The following KIAA1549L variants were observed in gnomAD, a reference collection of about 807,000 sequenced individuals.
KIAA1549L encodes KIAA1549 like, also known as UPF0606 protein KIAA1549L.
KIAA1549L carries 88 observed loss-of-function variants against 160.7 expected under a neutral mutation model. The observed-to-expected ratio is 0.55, with a 90% CI of 0.46 to 0.65. KIAA1549L has a LOEUF of 0.65. KIAA1549L is among the 30% of genes least tolerant of loss of function. KIAA1549L has a pLI of 0.00. For synonymous variants in KIAA1549L, 950 were observed against 976.7 expected, an observed-to-expected ratio of 0.97 and a Z score of 0.51; for missense variants, 2,258 against 2,437.5, an observed-to-expected ratio of 0.93 and a Z score of 1.55.
intron 1 of KIAA1549L, among the ~76,000 whole-genome samples, chr11:33,442,757 C>T (rs557404963): frequency 6.6e-6 from 1 of 152,238 alleles, no homozygotes; most frequent in East Asian, 1.9e-4. Context: ...TGCCTCTATC[C>T]AATTTCCATA....
At chr11:33,550,448 G>A (rs1399083249) in intron 4 of KIAA1549L, among the ~76,000 whole-genome samples, 1 of 152,026 alleles carries the variant, frequency 6.6e-6, no homozygotes, top group East Asian at 1.9e-4. Context: ...GAGACAGAAA[G>A]AGCTCAGACC....
chr11:33,630,306 A>G (rs563598019), intron 16 of KIAA1549L, among the ~76,000 whole-genome samples: 1 of 152,364 alleles, frequency 6.6e-6, no homozygotes, highest in South Asian at 2.1e-4. Context: ...GGTGGGCTCC[A>G]CCCAGTTCGA....
At chr11:33,561,793 T>A in intron 8 of KIAA1549L, 58 bp downstream of exon 8, 3 of 1,243,260 alleles carry the variant, frequency 2.4e-6, no homozygotes, top group South Asian at 1.2e-5. Context: ...TTATTTTTTT[T>A]AAACTGTAGG....
At chr11:33,646,317 A>G (rs1851722468) in intron 17 of KIAA1549L, among the ~76,000 whole-genome samples, 1 of 152,200 alleles carries the variant, frequency 6.6e-6, no homozygotes. Flanking sequence ...GGCTGACCAT[A>G]TTCTTCACGC....
chr11:33,393,391 GCCCGTCTCCTTCA>G (rs2134051537), intron 1 of KIAA1549L, among the ~76,000 whole-genome samples: 1 of 152,238 alleles, frequency 6.6e-6, no homozygotes, highest in African/African-American at 2.4e-5. Context: ...AGGTCTCCTG[GCCCGTCTCCTTCA>G]TCAGACTGTG....
rs554797853 is a variant in KIAA1549L, at chr11:33,476,891, A to G, written c.239-64911A>G. On this transcript the variant is annotated intron_variant, in intron 1 of 20. Coordinates refer to ENST00000658780, the MANE Select transcript of KIAA1549L (RefSeq NM_012194.3). ...TCGTTTATTTACTAATGTCTATTGT[A>G]TGTCTCTTTCATTAGAATGTAGGCT... Among the ~76,000 whole-genome samples the G allele has an allele frequency of 4.6e-5, 7 of 152,326 alleles. No individual in the cohort carries two copies. The South Asian group carries it at 1.2e-3, about 27-fold the overall frequency.
At chr11:33,450,174 G>A (rs147905148) in intron 1 of KIAA1549L, among the ~76,000 whole-genome samples, 1,617 of 152,224 alleles carry the variant, frequency 0.011, 7 homozygotes, top group South Asian at 0.04. Flanking sequence ...ATGATCAAGG[G>A]CAAATATAAG....
intron 1 of KIAA1549L, among the ~76,000 whole-genome samples, chr11:33,386,764 T>G (rs142971864): frequency 9.9e-4 from 151 of 151,918 alleles, no homozygotes; most frequent in African/African-American, 3.4e-3. Context: ...TCTGTAGTTT[T>G]GTTTTGCTAA....
At chr11:33,528,008 A>G (rs1386660221) in intron 1 of KIAA1549L, among the ~76,000 whole-genome samples, 1 of 152,148 alleles carries the variant, frequency 6.6e-6, no homozygotes, top group Non-Finnish European at 1.5e-5. Context: ...ATGGTTTTAT[A>G]AAGGGGAGTT....
At chr11:33,489,514 G>A (rs1056545877) in intron 1 of KIAA1549L, among the ~76,000 whole-genome samples, 4 of 152,164 alleles carry the variant, frequency 2.6e-5, no homozygotes, top group African/African-American at 7.2e-5. Flanking sequence ...AACACAGTGG[G>A]AGTTTATTTC....
Position 33,574,874 on chromosome 11 carries a change from G to A in KIAA1549L, c.4402+1G>A. ...CACGTTGTCCTTCTGCAAGCTGACC[G>A]TAAGGGAATGGTCTTTTTATTCAGT... On this transcript the variant is annotated splice_donor_variant, in intron 10 of 20. Transcript: ENST00000658780. LOFTEE classifies it high-confidence loss of function. The A allele has an allele frequency of 1.9e-6, 3 of 1,610,980 alleles. No individual in the cohort carries two copies. The highest frequency in any genetic ancestry group is 2.5e-6 in the Non-Finnish European group (3 of 1,178,064).
intron 1 of KIAA1549L, among the ~76,000 whole-genome samples, chr11:33,381,649 T>G (rs1213785412): frequency 2.0e-5 from 3 of 152,206 alleles, no homozygotes; most frequent in African/African-American, 4.8e-5. Context: ...ATAATCTGAC[T>G]TAAGTTTTAA....
chr11:33,578,662 A>G (rs975016434), intron 10 of KIAA1549L, among the ~76,000 whole-genome samples: 2 of 152,214 alleles, frequency 1.3e-5, no homozygotes, highest in African/African-American at 2.4e-5. Context: ...GCAAGCCTTC[A>G]GGACTGCACA....
intron 1 of KIAA1549L, among the ~76,000 whole-genome samples, chr11:33,471,924 T>G (rs1304173986): frequency 1.3e-5 from 2 of 152,212 alleles, no homozygotes; most frequent in African/African-American, 2.4e-5. Context: ...AGACAATGGC[T>G]TAAGCATAGA....
intron 1 of KIAA1549L, among the ~76,000 whole-genome samples, chr11:33,381,904 A>G (rs541802851): frequency 2.4e-4 from 37 of 152,352 alleles, no homozygotes; most frequent in African/African-American, 8.4e-4. Context: ...GGCTCAAGCA[A>G]CTGGGAAGAT....
At chr11:33,661,495 G>C (rs1852258715) in intron 20 of KIAA1549L, among the ~76,000 whole-genome samples, 2 of 152,198 alleles carry the variant, frequency 1.3e-5, no homozygotes, top group South Asian at 2.1e-4. Context: ...ACCCACACCT[G>C]TTTGGCTCCA....
intron 1 of KIAA1549L, among the ~76,000 whole-genome samples, chr11:33,496,789 A>G (rs2756278): frequency 0.71 from 108,200 of 152,078 alleles, 39,001 homozygotes; most frequent in African/African-American, 0.83. Context: ...TTCCATCTCA[A>G]TAAAATAAAA....
At chr11:33,528,248 A>G (rs986085239) in intron 1 of KIAA1549L, among the ~76,000 whole-genome samples, 9 of 152,234 alleles carry the variant, frequency 5.9e-5, no homozygotes, top group Non-Finnish European at 1.0e-4. Context: ...ACTAATTATC[A>G]GAGAATGCAC....
chr11:33,404,567 A>C (rs1159502021), intron 1 of KIAA1549L, among the ~76,000 whole-genome samples: 1 of 152,028 alleles, frequency 6.6e-6, no homozygotes, highest in Non-Finnish European at 1.5e-5. Flanking sequence ...TTTCATTTAA[A>C]GTCAGATAAG....
Sources: gnomAD v4.1 joint callset for allele counts (sites outside exome capture counted in the v4.1 genomes callset) on GRCh38, gnomAD v4.1.1 for gene constraint, MANE v1.5 for transcripts, NCBI Gene and HGNC (gene_info 2026-07-23, HGNC 2026-07-21) for gene names.